Variants in MGAM observed in about 807,000 individuals in gnomAD.
MGAM encodes alpha-1,4-glucosidase.
In MGAM, 253 loss-of-function variants were observed where a neutral mutation model predicts 358.8. The ratio of observed to expected loss-of-function variants is 0.71; its 90% confidence interval spans 0.64 to 0.78. The LOEUF is 0.78. MGAM is among the 30% of genes least tolerant of loss of function. The probability of loss-of-function intolerance (pLI) is 0.00; values close to 1 mark genes in which losing one functional copy is unlikely to be tolerated. For missense variants in MGAM, 3,080 were observed against 3,432.6 expected (o/e 0.90, Z 2.57); for synonymous variants, 1,105 against 1,227.1 (o/e 0.90, Z 2.08).
In MGAM at chr7:142,082,203, C is replaced by A; in HGVS notation, c.6164C>A (p.Pro2055His). The A allele has an allele frequency of 6.4e-7, 1 of 1,554,296 alleles. No individual in the cohort carries two copies. The highest frequency in any genetic ancestry group is 8.8e-7 in the Non-Finnish European group (1 of 1,132,180). Residue 2055 changes from proline (P) to histidine (H), a missense_variant, in exon 51 of 71, where the codon CCC (proline) becomes CAC (histidine). Transcript: ENST00000475668. Reference sequence around the variant, plus strand: ...TGGGGGATGTTCTCCCGAGACCAGCCCCCAGGGGTAAGGACAGAGCATTTG... The same window carrying A: ...TGGGGGATGTTCTCCCGAGACCAGCACCCAGGGGTAAGGACAGAGCATTTG... Reference protein sequence around the residue: ...HTWGMFSRDQPPGYKKNSYGV... With the variant: ...HTWGMFSRDQHPGYKKNSYGV...
intron 57 of MGAM, 124 bp from the exon 58 acceptor site, chr7:142,091,789 G>A (rs568834116): frequency 1.2e-5 from 12 of 1,019,238 alleles, no homozygotes; most frequent in Non-Finnish European, 1.5e-5. Flanking sequence ...CATTATTTAG[G>A]CCCTGTTCAG....
chr7:142,015,679 C>G (rs1320010428), intron 3 of MGAM, among the ~76,000 whole-genome samples: 2 of 151,646 alleles, frequency 1.3e-5, no homozygotes, highest in East Asian at 3.9e-4. Flanking sequence ...TTGTTAGAAC[C>G]TCCAATATAT....
chr7:142,037,494 GGCA>G (rs1303929601), intron 18 of MGAM, among the ~76,000 whole-genome samples: 7 of 152,218 alleles, frequency 4.6e-5, no homozygotes, highest in African/African-American at 1.7e-4. Flanking sequence ...TCTAAAACAA[GGCA>G]CTTAAGAGCA....
At chr7:142,015,200 T>C (rs1805878647) in intron 3 of MGAM, among the ~76,000 whole-genome samples, 1 of 152,144 alleles carries the variant, frequency 6.6e-6, no homozygotes, top group Non-Finnish European at 1.5e-5. Flanking sequence ...TTTTTCTGTC[T>C]TGCCCGATTT....
intron 44 of MGAM, among the ~76,000 whole-genome samples, chr7:142,073,357 A>G (rs116483224): frequency 6.8e-6 from 1 of 146,138 alleles, no homozygotes; most frequent in Admixed American, 6.9e-5. Context: ...GGAAGAATAC[A>G]GTGGAGAATG....
In MGAM at chr7:142,065,352, C is replaced by T. The variant is rs376131049; in HGVS notation, c.4502C>T (p.Thr1501Met). 6.3e-5 allele frequency: 102 copies of T among 1,609,218 alleles called. No individual in the cohort carries two copies. The highest frequency in any genetic ancestry group is 4.2e-4 in the South Asian group (38 of 89,934). ...RPTYEAVQEV[T>M]GQRGVVITRS... The stretch of plus-strand genomic sequence containing the variant: ...CCAAGCAGAGCCGTGCAGGAGGTGA[C>T]GGGACAGCGAGGGGTCGTCATCACC... The change falls in exon 38 of 71, where the codon ACG (threonine) becomes ATG (methionine). Residue 1501 changes from threonine (T) to methionine (M), a missense_variant. Around this residue, in one of 5 missense-constraint regions of MGAM, gnomAD observed 134 missense variants for 198.4 expected, o/e 0.68. Transcript: ENST00000475668.
upstream of MGAM, among the ~76,000 whole-genome samples, chr7:141,992,675 A>G (rs1223834786): frequency 1.3e-5 from 2 of 152,118 alleles, no homozygotes; most frequent in African/African-American, 4.8e-5. Flanking sequence ...CTTGACCCCC[A>G]GGCTCAGGTG....
intron 58 of MGAM, 137 bp from the exon 59 acceptor site, chr7:142,092,384 A>T: frequency 1.1e-6 from 1 of 950,956 alleles, no homozygotes; most frequent in East Asian, 2.7e-5. Context: ...TCTCACCAGG[A>T]TTTGATGAAG....
chr7:142,053,244 G>C (rs1811188427), intron 26 of MGAM, among the ~76,000 whole-genome samples: 1 of 152,132 alleles, frequency 6.6e-6, no homozygotes, highest in South Asian at 2.1e-4. Context: ...GAGGCTACCA[G>C]TTAGGCAGGT....
intron 42 of MGAM, among the ~76,000 whole-genome samples, chr7:142,067,961 TA>T (rs1563191171): frequency 8.6e-5 from 3 of 34,880 alleles, no homozygotes; most frequent in African/African-American, 2.6e-4. Flanking sequence ...TATATATATA[TA>T]TAAATATATA....
In MGAM at chr7:142,042,834, T is replaced by C. The variant is rs867093713; in HGVS notation, c.2498+1988T>C. 2.5e-3 allele frequency among the ~76,000 whole-genome samples: 152 copies of C among 59,816 alleles called. 6 individuals carry two copies. Among genetic ancestry groups the C allele is most frequent in the African/African-American group, 7.0e-3 (121 of 17,302 alleles). 39.2% of individuals were successfully genotyped at this position (59,816 alleles called of 152,430 possible). A position where few individuals can be genotyped will look rare whatever the true frequency, so the allele number is the denominator to read the frequency against. ...ATATAATATCTAAATATAATATCTA[T>C]ATTATATATACATATAATATCTAAA... On this transcript the variant is annotated intron_variant, in intron 21 of 70. Coordinates refer to ENST00000475668, the MANE Select transcript of MGAM (RefSeq NM_001365693.1).
chr7:142,044,180 CAT>C (rs1368565420), intron 21 of MGAM, among the ~76,000 whole-genome samples: 2 of 137,170 alleles, frequency 1.5e-5, no homozygotes, highest in Non-Finnish European at 3.1e-5. Flanking sequence ...ATTATATACA[CAT>C]ACGACATATA....
intron 25 of MGAM, 42 bp downstream of exon 25, chr7:142,052,488 A>C (rs775006419): frequency 2.6e-5 from 41 of 1,607,204 alleles, no homozygotes; most frequent in Non-Finnish European, 3.4e-5. Flanking sequence ...GAATCTCCAC[A>C]CCTAATCTGT....
At chr7:142,067,724 G>T (rs115199491) in intron 42 of MGAM, among the ~76,000 whole-genome samples, 1,850 of 139,152 alleles carry the variant, frequency 0.013, 91 homozygotes, top group African/African-American at 0.044. Flanking sequence ...TAGAAGGTCA[G>T]ATGGGGGCAG....
chr7:142,060,232 T>G, intron 33 of MGAM, 79 bp from the exon 34 acceptor site: 2 of 1,566,062 alleles, frequency 1.3e-6, no homozygotes, highest in African/African-American at 1.3e-5. Flanking sequence ...GGAGCACGGT[T>G]TGTATAACAA....
chr7:142,027,677 G>A lies in MGAM; in HGVS notation c.1163G>A (p.Gly388Glu). 1 of 1,613,682 alleles carries A rather than the reference G, an allele frequency of 6.2e-7. No homozygotes were observed. Among genetic ancestry groups the A allele is most frequent in the Admixed American group, 1.7e-5 (1 of 59,992 alleles). Residue 388 changes from glycine (G) to glutamate (E), a missense_variant, in exon 10 of 71, where the codon GGA becomes GAA. This residue lies in a region of MGAM where 1,816 missense variants were observed against 1,840.5 expected (regional missense o/e 0.99). Transcript: ENST00000475668. ...TTTCACCTCAGTCGTTACGAATATG[G>A]AACCTTAGACAACATGAGGGAAGTC... ...LGFHLSRYEY[G>E]TLDNMREVVE... is the part of the protein sequence containing the mutation.
rs1812330871 is a variant in MGAM at position 142,062,650 on chromosome 7, A to G, written c.4205A>G (p.Tyr1402Cys). Residue 1402 changes from tyrosine to cysteine, a missense_variant, in exon 35 of 71, where the codon TAC becomes TGC. This residue lies in a region of MGAM where 1,816 missense variants were observed against 1,840.5 expected (regional missense o/e 0.99). Coordinates refer to ENST00000475668, the MANE Select transcript of MGAM (RefSeq NM_001365693.1). ...KWWKREIEEL[Y>C]NNPQNPERSL... ...TGGAAGAGGGAAATAGAAGAACTAT[A>G]CAACAATCCACAGAATCCAGAGAGG... The G allele has an allele frequency of 1.9e-6, 3 of 1,612,376 alleles. No individual in the cohort carries two copies. The highest frequency in any genetic ancestry group is 2.2e-5 in the East Asian group (1 of 44,844).
At chr7:142,065,984 C>T (rs1447797376) in intron 40 of MGAM, among the ~76,000 whole-genome samples, 153 bp downstream of exon 40, 1 of 107,598 alleles carries the variant, frequency 9.3e-6, no homozygotes, top group Admixed American at 9.5e-5. Flanking sequence ...TTTTTTGAAA[C>T]AGGGATTTAC....
At position 142,051,216 on chromosome 7, in the gene MGAM, A is replaced by T. The variant is rs200636090; in HGVS notation, c.2805+352A>T. 3.7e-3 allele frequency among the ~76,000 whole-genome samples: 566 copies of T among 151,814 alleles called. 1 individual carries two copies. Among genetic ancestry groups the T allele is most frequent in the African/African-American group, 8.8e-3 (364 of 41,400 alleles). The stretch of plus-strand genomic sequence containing the variant: ...TTTTGTATGACTAGCACAAATAAGA[A>T]TTGGTATTTGAAAAAGGCCAGTTTG... On this transcript the variant is annotated intron_variant, in intron 24 of 70. Coordinates refer to ENST00000475668, the MANE Select transcript of MGAM (RefSeq NM_001365693.1).
Sources: allele counts gnomAD v4.1 joint callset (sites outside exome capture counted in the v4.1 genomes callset), GRCh38; gene constraint gnomAD v4.1.1; regional missense constraint gnomAD v4.1.1; transcripts MANE v1.5; gene names NCBI Gene and HGNC (gene_info 2026-07-23, HGNC 2026-07-21).